Variants in PHLDB2 observed in about 807,000 individuals in gnomAD.
The protein encoded by PHLDB2 is pleckstrin homology like domain family B member 2.
PHLDB2 carries 71 observed loss-of-function variants against 123.6 expected under a neutral mutation model. The ratio of observed to expected loss-of-function variants is 0.57; its 90% CI spans 0.47 to 0.70. The LOEUF (loss-of-function observed/expected upper bound fraction) is 0.70. Among genes scored for constraint, PHLDB2 ranks in the 30% least tolerant of loss-of-function variants. The probability of loss-of-function intolerance (pLI) is 0.00; values close to 1 mark genes in which losing one functional copy is unlikely to be tolerated. For synonymous variants in PHLDB2, 547 were observed against 541.6 expected (o/e 1.01, Z -0.14); for missense variants, 1,446 against 1,519.5 (o/e 0.95, Z 0.80).
rs1396960687 is a variant in PHLDB2 at position 111,920,547 on chromosome 3, C to T, written c.2001+128C>T. ...TGTCATGTTCCTGGAGGCAGTGGCACTAGAGAAAAATCCTAAGATCATACA... is the reference window on the plus strand; with the variant it reads ...TGTCATGTTCCTGGAGGCAGTGGCATTAGAGAAAAATCCTAAGATCATACA... On this transcript the variant is annotated intron_variant, in intron 5 of 17. Transcript: ENST00000431670. The T allele has an allele frequency of 4.2e-6, 5 of 1,177,816 alleles. No homozygotes were observed. In the African/African-American group the frequency reaches 6.2e-5, roughly 15 times the overall value. The allele number at this position is 1,177,816 out of a possible 1,614,324, so 73.0% of individuals were successfully genotyped here.
At chr3:111,807,176 C>T (rs1172166016) in intron 1 of PHLDB2, among the ~76,000 whole-genome samples, 1 of 151,862 alleles carries the variant, frequency 6.6e-6, no homozygotes, top group African/African-American at 2.4e-5. Flanking sequence ...ATTCAATTTT[C>T]CCTTATATAC....
At chr3:111,935,067 A>G (rs1377943220) in intron 6 of PHLDB2, among the ~76,000 whole-genome samples, 1 of 151,800 alleles carries the variant, frequency 6.6e-6, no homozygotes, top group Non-Finnish European at 1.5e-5. Flanking sequence ...TATTTACTCA[A>G]ATGAATGGTT....
chr3:111,747,497 A>G (rs1006727680), intron 1 of PHLDB2, among the ~76,000 whole-genome samples: 5 of 152,110 alleles, frequency 3.3e-5, no homozygotes, highest in Non-Finnish European at 7.4e-5. Context: ...AAAAGCAGAA[A>G]CTCATCAACT....
chr3:111,816,904 G>C (rs768264625), intron 1 of PHLDB2, among the ~76,000 whole-genome samples: 1 of 152,178 alleles, frequency 6.6e-6, no homozygotes, highest in Non-Finnish European at 1.5e-5. Flanking sequence ...TTATGGGGGT[G>C]AGTCTTTCCT....
chr3:111,930,245 A>G (rs1414097299), intron 5 of PHLDB2, among the ~76,000 whole-genome samples: 1 of 152,080 alleles, frequency 6.6e-6, no homozygotes, highest in African/African-American at 2.4e-5. Flanking sequence ...AACAATACAA[A>G]CATTTGAGAG....
chr3:111,769,732 C>A (rs534322232), intron 1 of PHLDB2, among the ~76,000 whole-genome samples: 1 of 152,204 alleles, frequency 6.6e-6, no homozygotes, highest in Non-Finnish European at 1.5e-5. Flanking sequence ...TTATCTACAA[C>A]CTACAGCCTT....
intron 1 of PHLDB2, among the ~76,000 whole-genome samples, chr3:111,776,466 G>A (rs139607506): frequency 5.9e-5 from 9 of 151,960 alleles, no homozygotes; most frequent in Admixed American, 1.3e-4. Context: ...CTGAGTGCAC[G>A]TTCCTACATT....
At chr3:111,740,623 A>G (rs1351034128) in intron 1 of PHLDB2, among the ~76,000 whole-genome samples, 1 of 152,292 alleles carries the variant, frequency 6.6e-6, no homozygotes, top group East Asian at 1.9e-4. Context: ...ACGTAACACA[A>G]TATATAATGC....
upstream of PHLDB2, among the ~76,000 whole-genome samples, chr3:111,856,889 T>C (rs2064534963): frequency 6.6e-6 from 1 of 152,168 alleles, no homozygotes; most frequent in South Asian, 2.1e-4. Context: ...TACAATATAG[T>C]AGAATGTGGT....
chr3:111,905,018 A>G (rs1011875621), intron 2 of PHLDB2, among the ~76,000 whole-genome samples: 9 of 152,168 alleles, frequency 5.9e-5, no homozygotes, highest in Non-Finnish European at 8.8e-5. Flanking sequence ...GATTTTTCCT[A>G]TTCACACTGG....
chr3:111,919,168 C>G lies in PHLDB2; in HGVS notation c.1816C>G (p.Gln606Glu), dbSNP rs753545617. 6 of 1,613,860 alleles carry G rather than the reference C, an allele frequency of 3.7e-6. No individual in the cohort carries two copies. The highest frequency in any genetic ancestry group is 3.4e-6 in the Non-Finnish European group (4 of 1,179,894). ...TCTGAACAACCTCGAGGAACTTAAG[C>G]AAAAAATCAAAGACATAAATGATCA... The part of the protein sequence containing the change: ...VILNNLEELK[Q>E]KIKDINDQMD... Residue 606 changes from glutamine (Q) to glutamate (E), a missense_variant, in exon 4 of 18, where the codon CAA becomes GAA. By Grantham distance (29) the Gln-to-Glu change is conservative (BLOSUM62 2). Transcript: ENST00000431670.
At chr3:111,770,026 T>TAATAA (rs2060147444) in intron 1 of PHLDB2, among the ~76,000 whole-genome samples, 2 of 152,238 alleles carry the variant, frequency 1.3e-5, no homozygotes, top group Non-Finnish European at 2.9e-5. Context: ...TTTATGTCAC[T>TAATAA]TTCCAGTATT....
intron 1 of PHLDB2, among the ~76,000 whole-genome samples, chr3:111,792,631 C>A (rs772349432): frequency 6.6e-6 from 1 of 152,028 alleles, no homozygotes; most frequent in Non-Finnish European, 1.5e-5. Context: ...CATTTGAGCC[C>A]AGGAATTTGA....
chr3:111,894,145 G>A (rs1342154697), intron 2 of PHLDB2, among the ~76,000 whole-genome samples: 2 of 140,276 alleles, frequency 1.4e-5, no homozygotes, highest in Non-Finnish European at 3.1e-5. Context: ...CCACCTATGA[G>A]TGAGAATATG....
chr3:111,947,760 C>A (rs1363725109), intron 9 of PHLDB2, among the ~76,000 whole-genome samples: 1 of 152,168 alleles, frequency 6.6e-6, no homozygotes, highest in African/African-American at 2.4e-5. Context: ...ATCTATCCTG[C>A]CTTCTGAAGT....
At chr3:111,857,838 G>A (rs2064591370), upstream of PHLDB2, among the ~76,000 whole-genome samples, 2 of 152,316 alleles carry the variant, frequency 1.3e-5, no homozygotes, top group African/African-American at 2.4e-5. Context: ...AAATGGGAAC[G>A]CTTTTACACT....
At chr3:111,782,338 G>C (rs3922704) in intron 1 of PHLDB2, among the ~76,000 whole-genome samples, 35,776 of 151,836 alleles carry the variant, frequency 0.24, 4,581 homozygotes, top group African/African-American at 0.33. Flanking sequence ...CCTTAAGCTA[G>C]TCTCATAGTT....
At chr3:111,841,874 G>T (rs2063714323) in intron 1 of PHLDB2, among the ~76,000 whole-genome samples, 1 of 152,268 alleles carries the variant, frequency 6.6e-6, no homozygotes, top group South Asian at 2.1e-4. Flanking sequence ...AAAGAAATTG[G>T]CCTGAAGATG....
At chr3:111,944,154 T>C (rs1247687788) in intron 8 of PHLDB2, among the ~76,000 whole-genome samples, 2 of 152,304 alleles carry the variant, frequency 1.3e-5, no homozygotes, top group Middle Eastern at 3.4e-3. Flanking sequence ...TGGTTACATT[T>C]TATAAGTAGG....
Sources: gnomAD v4.1 joint callset for allele counts (sites outside exome capture counted in the v4.1 genomes callset) on GRCh38, gnomAD v4.1.1 for gene constraint, MANE v1.5 for transcripts, NCBI Gene and HGNC (gene_info 2026-07-23, HGNC 2026-07-21) for gene names.